Variants in PER3 observed in about 807,000 individuals in gnomAD.
PER3 encodes period circadian protein homolog 3.
A neutral mutation model predicts 127.2 loss-of-function variants in PER3; 107 were observed. The observed-to-expected ratio is 0.84, with a 90% CI of 0.72 to 0.99. PER3 has a LOEUF of 0.99. Ranked by LOEUF, PER3 falls within the 50% of genes least tolerant of loss-of-function variation. The pLI is 0.00. For synonymous variants in PER3, 618 were observed against 585.8 expected (o/e 1.05, Z -0.79); for missense variants, 1,560 against 1,525.8 (o/e 1.02, Z -0.37).
At chr1:7,825,549 G>A (rs1057281577) in intron 16 of PER3, among the ~76,000 whole-genome samples, 2 of 152,166 alleles carry the variant, frequency 1.3e-5, no homozygotes, top group African/African-American at 4.8e-5. Flanking sequence ...TTTGGGTAAA[G>A]ATGGGGTCAG....
In PER3 at chr1:7,784,715, C is replaced by G. The variant is rs1057287026; in HGVS notation, c.-163C>G. 7 of 637,114 alleles carry G rather than the reference C, an allele frequency of 1.1e-5. No homozygotes were observed. The highest frequency in any genetic ancestry group is 1.7e-5 in the Non-Finnish European group (7 of 417,300). 39.5% of individuals were successfully genotyped at this position (637,114 alleles called of 1,614,324 possible). The stretch of plus-strand genomic sequence containing the variant: ...GAAAATGTTGGAGGGAAAAGCTCCT[C>G]GGAGATGAGCGTGACCCCCTGGCTC... On this transcript the variant is annotated 5_prime_UTR_variant, in exon 2 of 22. Coordinates refer to ENST00000377532, the MANE Select transcript of PER3 (RefSeq NM_001377275.1).
intron 16 of PER3, among the ~76,000 whole-genome samples, chr1:7,824,776 G>C (rs1319256674): frequency 1.3e-5 from 2 of 152,166 alleles, no homozygotes; most frequent in African/African-American, 4.8e-5. Context: ...AGACCTTCCT[G>C]AGTGCTCCTT....
chr1:7,786,754 A>C lies in PER3; in HGVS notation c.308A>C (p.Asn103Thr). 1 of 1,611,024 alleles carries C rather than the reference A, an allele frequency of 6.2e-7. No homozygotes were observed. The highest frequency in any genetic ancestry group is 8.5e-7 in the Non-Finnish European group (1 of 1,177,186). Reference protein sequence around the residue: ...NSEFFQILSQNGAPQADVSMY... With the variant: ...NSEFFQILSQTGAPQADVSMY... ...GAGTTTTTCCAGATTCTCAGTCAGAATGGAGCACCTCAGGCAGATGTGAGC... is the reference window on the plus strand; with the variant it reads ...GAGTTTTTCCAGATTCTCAGTCAGACTGGAGCACCTCAGGCAGATGTGAGC... Residue 103 changes from asparagine (N) to threonine (T), a missense_variant, in exon 4 of 22, where the codon AAT becomes ACT. By Grantham distance (65) the Asn-to-Thr change is moderately conservative (BLOSUM62 0). Transcript: ENST00000377532.
rs146632362 is a variant in PER3 at position 7,784,794 on chromosome 1, G to A, written c.-84G>A. The A allele has an allele frequency of 1.6e-3, 2,085 of 1,333,624 alleles. 31 individuals are homozygous for A. The African/African-American group carries it at 0.028, about 18-fold the overall frequency. The allele number at this position is 1,333,624 out of a possible 1,614,324, so 82.6% of individuals were successfully genotyped here. On this transcript the variant is annotated 5_prime_UTR_variant, in exon 2 of 22. Coordinates refer to ENST00000377532, the MANE Select transcript of PER3 (RefSeq NM_001377275.1). The stretch of plus-strand genomic sequence containing the variant: ...ATGGCGGGGACCGGAGTGAGAAACC[G>A]GTGTCTGTCACTGACTGCAAAGTGA...
chr1:7,831,037 A>C (rs12024106), intron 19 of PER3, among the ~76,000 whole-genome samples: 2,352 of 152,326 alleles, frequency 0.015, 30 homozygotes, highest in East Asian at 0.068. Flanking sequence ...AATTGTGTTG[A>C]ATCTATAGAT....
intron 19 of PER3, among the ~76,000 whole-genome samples, chr1:7,832,984 T>C (rs2097340335): frequency 6.6e-6 from 1 of 152,150 alleles, no homozygotes; most frequent in Non-Finnish European, 1.5e-5. Flanking sequence ...ACTGCAGGCA[T>C]ATGCCAGTGT....
Position 7,801,118 on chromosome 1 carries a change from C to T in PER3, c.799C>T (p.Arg267Trp), listed in dbSNP as rs559444285. ...EKIHSGYEAP[R>W]IPVNKRIFTT... ...CTTTGTTTTTTTTTCCTTAGCTCCT[C>T]GGATCCCAGTGAATAAAAGAATCTT... The change falls in exon 8 of 22, where the codon CGG (arginine) becomes TGG (tryptophan). Residue 267 changes from arginine to tryptophan, a missense_variant. This residue lies in a region of PER3 where 1,332 missense variants were observed against 1,223.6 expected (regional missense o/e 1.09). Transcript: ENST00000377532. 51 of 1,599,294 alleles carry T rather than the reference C, an allele frequency of 3.2e-5. No homozygotes were observed. Among genetic ancestry groups the T allele is most frequent in the Non-Finnish European group, 3.8e-5 (45 of 1,170,218 alleles).
intron 13 of PER3, among the ~76,000 whole-genome samples, chr1:7,813,585 G>GA (rs994393819): frequency 6.6e-6 from 1 of 152,010 alleles, no homozygotes; most frequent in African/African-American, 2.4e-5. Flanking sequence ...CAGATACTGA[G>GA]AAAAAACAAA....
chr1:7,798,537 CAGAA>C lies in PER3; in HGVS notation c.660_663del (p.Arg220SerfsTer15), dbSNP rs1558400719. 6.2e-7 allele frequency: 1 copy of C among 1,613,618 alleles called. No individual in the cohort carries two copies. Reference sequence around the variant, plus strand: ...TTAATCTCCTCAGTGGAGGTGAAGACAGAAAGCAAGAGAAGTGTCACTCCCCATT... The same window carrying C: ...TTAATCTCCTCAGTGGAGGTGAAGACAGCAAGAGAAGTGTCACTCCCCATT... On this transcript the variant is annotated frameshift_variant, in exon 7 of 22. Transcript: ENST00000377532. LOFTEE classifies it high-confidence loss of function.
intron 10 of PER3, among the ~76,000 whole-genome samples, chr1:7,804,446 C>A (rs1033137044): frequency 6.7e-6 from 1 of 148,706 alleles, no homozygotes; most frequent in Non-Finnish European, 1.5e-5. Flanking sequence ...GTTGCCCAGG[C>A]TGGAGTGCAG....
At chr1:7,841,931 C>T (rs1416468459) in intron 21 of PER3, among the ~76,000 whole-genome samples, 1 of 152,206 alleles carries the variant, frequency 6.6e-6, no homozygotes, top group Non-Finnish European at 1.5e-5. Flanking sequence ...CTAGAGTGTA[C>T]TCATACAAAC....
chr1:7,803,794 T>C lies in PER3; in HGVS notation c.1082T>C (p.Val361Ala), dbSNP rs1406261703. 2 of 1,613,828 alleles carry C rather than the reference T, an allele frequency of 1.2e-6. No individual in the cohort carries two copies. Among genetic ancestry groups the C allele is most frequent in the Admixed American group, 3.3e-5 (2 of 60,002 alleles). The change falls in exon 10 of 22, where the codon GTG becomes GCG. Residue 361 changes from valine to alanine, a missense_variant. Physicochemically the swap from Val to Ala is moderately conservative, Grantham distance 64. Coordinates refer to ENST00000377532, the MANE Select transcript of PER3 (RefSeq NM_001377275.1). ...CTGGATTCCAGTTGGTCCAGCTTTG[T>C]GAATCCCTGGAGCCGGAAGATTTCT... is the stretch of plus-strand genomic sequence containing the variant. ...IILDSSWSSF[V>A]NPWSRKISFI...
chr1:7,819,159 A>G, intron 13 of PER3, 126 bp from the exon 14 acceptor site: 1 of 727,454 alleles, frequency 1.4e-6, no homozygotes, highest in Non-Finnish European at 2.2e-6. Context: ...CTCATTTTTA[A>G]TAGCCGCATG....
chr1:7,837,083 G>A lies in PER3; in HGVS notation c.3483G>A (p.Lys1161=). Residue 1161 remains lysine (K), a synonymous_variant, in exon 21 of 22, where the codon AAG becomes AAA. Coordinates refer to ENST00000377532, the MANE Select transcript of PER3 (RefSeq NM_001377275.1). ...QQQPQFSHGQ[K]EELAKVYNWI... ...AGCCCCAGTTTTCTCATGGGCAAAAGGAGGAGCTGGCTAAGGTGTATAATT... is the reference window on the plus strand; with the variant it reads ...AGCCCCAGTTTTCTCATGGGCAAAAAGAGGAGCTGGCTAAGGTGTATAATT... 6.2e-7 allele frequency: 1 copy of A among 1,614,084 alleles called. No individual in the cohort carries two copies. Among genetic ancestry groups the A allele is most frequent in the South Asian group, 1.1e-5 (1 of 91,074 alleles).
Position 7,798,596 on chromosome 1 carries a change from A to C in PER3, c.716A>C (p.His239Pro), listed in dbSNP as rs202213269. ...ATCATCCCCTATCTGATTCATGTACATCACCCTGCCCAGCCAGAATTGGAA... is the reference window on the plus strand; with the variant it reads ...ATCATCCCCTATCTGATTCATGTACCTCACCCTGCCCAGCCAGAATTGGAA... ...FRIIPYLIHVHHPAQPELESE... is the reference protein window; with the variant it reads ...FRIIPYLIHVPHPAQPELESE... The change falls in exon 7 of 22, where the codon CAT becomes CCT. Residue 239 changes from histidine (H) to proline (P), a missense_variant. Around this residue, in one of 3 missense-constraint regions of PER3, gnomAD observed 1,332 missense variants for 1,223.6 expected, o/e 1.09. Coordinates refer to ENST00000377532, the MANE Select transcript of PER3 (RefSeq NM_001377275.1). 6.2e-7 allele frequency: 1 copy of C among 1,613,410 alleles called. No individual in the cohort carries two copies. The highest frequency in any genetic ancestry group is 1.3e-5 in the African/African-American group (1 of 75,032).
intron 19 of PER3, among the ~76,000 whole-genome samples, chr1:7,830,830 T>C (rs534236751): frequency 6.6e-6 from 1 of 152,382 alleles, no homozygotes; most frequent in African/African-American, 2.4e-5. Flanking sequence ...TCCACTGATC[T>C]GTATGGCTAG....
chr1:7,826,588 C>T lies in PER3; in HGVS notation c.2066C>T (p.Ala689Val), dbSNP rs200140283. The T allele has an allele frequency of 1.3e-5, 21 of 1,611,288 alleles. No homozygotes were observed. Among genetic ancestry groups the T allele is most frequent in the East Asian group, 4.5e-5 (2 of 44,884 alleles). The change falls in exon 17 of 22, where the codon GCG (alanine) becomes GTG (valine). Residue 689 changes from alanine to valine, a missense_variant. This residue lies in a region of PER3 where 1,332 missense variants were observed against 1,223.6 expected (regional missense o/e 1.09). Transcript: ENST00000377532. This position sits in a 1 kb window ranked among gnomAD's most constrained non-coding sequence, Gnocchi z 4.2. ...HVGLTAAVLSAHTQKEEQNYV... is the reference protein window; with the variant it reads ...HVGLTAAVLSVHTQKEEQNYV... ...GGGCTCACAGCGGCTGTTCTGTCAG[C>T]GCACACCCAGAAGGAAGAGCAGAAT...
At chr1:7,815,471 AAGAG>A (rs768239129) in intron 13 of PER3, among the ~76,000 whole-genome samples, 2 of 152,218 alleles carry the variant, frequency 1.3e-5, no homozygotes, top group Non-Finnish European at 2.9e-5. Context: ...TAGAGTTAGA[AAGAG>A]AGACTGTGTA....
Position 7,784,771 on chromosome 1 carries a change from G to C in PER3, c.-107G>C. The C allele has an allele frequency of 8.2e-7, 1 of 1,217,848 alleles. No individual in the cohort carries two copies. Among genetic ancestry groups the C allele is most frequent in the African/African-American group, 1.6e-5 (1 of 62,690 alleles). The allele number at this position is 1,217,848 out of a possible 1,614,324, so 75.4% of individuals were successfully genotyped here. ...GGCCGCCTGTTCTCACTAACGCCAT[G>C]GCGGGGACCGGAGTGAGAAACCGGT... On this transcript the variant is annotated 5_prime_UTR_variant, in exon 2 of 22. The change abolishes an upstream ATG in the 5' untranslated region. Transcript: ENST00000377532.
Sources: gnomAD v4.1 joint callset for allele counts (sites outside exome capture counted in the v4.1 genomes callset) on GRCh38, gnomAD v4.1.1 for gene constraint, gnomAD v4.1.1 regional missense constraint, Gnocchi (gnomAD v3.1) non-coding constraint, MANE v1.5 for transcripts, NCBI Gene and HGNC (gene_info 2026-07-23, HGNC 2026-07-21) for gene names.